ABL1: variants seen among roughly 807,000 people sequenced by gnomAD.
The protein encoded by ABL1 is ABL proto-oncogene 1, non-receptor tyrosine kinase.
ABL1 carries 11 observed loss-of-function variants against 94.7 expected under a neutral mutation model. That is an observed-to-expected ratio of 0.12 (90% CI 0.07 to 0.19). The LOEUF (loss-of-function observed/expected upper bound fraction) is 0.19, where lower values mean the gene tolerates loss of function less well. Among genes scored for constraint, ABL1 ranks in the 10% least tolerant of loss-of-function variants. ABL1 has a pLI of 1.00. For synonymous variants in ABL1, 656 were observed against 622.4 expected (o/e 1.05, Z -0.80); for missense variants, 1,082 against 1,489.4 (o/e 0.73, Z 4.50).
intron 1 of ABL1, among the ~76,000 whole-genome samples, chr9:130,802,145 T>C (rs1183447736): frequency 6.8e-6 from 1 of 146,524 alleles, no homozygotes; most frequent in Non-Finnish European, 1.5e-5. Context: ...GGCTGGATGG[T>C]ACAGCGGTGT....
chr9:130,762,306 T>A (rs528384465), intron 1 of ABL1, among the ~76,000 whole-genome samples: 2 of 152,284 alleles, frequency 1.3e-5, no homozygotes, highest in African/African-American at 4.8e-5. Context: ...CTGTTTTTGT[T>A]CATTTGCCTT....
chr9:130,719,935 A>G (rs1831494839), intron 1 of ABL1, among the ~76,000 whole-genome samples: 1 of 152,246 alleles, frequency 6.6e-6, no homozygotes, highest in African/African-American at 2.4e-5. Context: ...ACAAGGGAAA[A>G]GAGGAAACCA....
intron 3 of ABL1, among the ~76,000 whole-genome samples, chr9:130,861,040 T>TGA (rs1831063447): frequency 1.3e-5 from 2 of 152,152 alleles, no homozygotes; most frequent in South Asian, 4.1e-4. Context: ...GCGTGACTCA[T>TGA]GGTGTGTGTC....
At chr9:130,812,542 T>A (rs969370888) in intron 1 of ABL1, among the ~76,000 whole-genome samples, 5 of 151,356 alleles carry the variant, frequency 3.3e-5, no homozygotes, top group African/African-American at 1.2e-4. Flanking sequence ...AAAACCTTAG[T>A]GGCATATTAA....
intron 1 of ABL1, among the ~76,000 whole-genome samples, chr9:130,738,661 T>G (rs2132708219): frequency 6.6e-6 from 1 of 152,350 alleles, no homozygotes; most frequent in South Asian, 2.1e-4. Context: ...CTCGTGGAAC[T>G]TAACTCTTGT....
intron 3 of ABL1, among the ~76,000 whole-genome samples, chr9:130,855,732 T>C (rs1265695118): frequency 6.6e-6 from 1 of 152,170 alleles, no homozygotes; most frequent in Non-Finnish European, 1.5e-5. Flanking sequence ...GGAGTTAACA[T>C]TGACTGAGGT....
At chr9:130,846,109 GCT>G (rs1491240579) in intron 1 of ABL1, among the ~76,000 whole-genome samples, 7 of 143,768 alleles carry the variant, frequency 4.9e-5, no homozygotes, top group African/African-American at 9.9e-5. Flanking sequence ...GTGTGTGTGT[GCT>G]TGTGTGTGTG....
rs1302820032 is a variant in ABL1, at chr9:130,873,057, G to C, written c.1085+20G>C. ...CCACAGGTAGGGGCCTGGCCAGGCA[G>C]CCTGCGCCATGGAGTCACAGGGCGT... On this transcript the variant is annotated intron_variant, in intron 6 of 10. Transcript: ENST00000318560. 6.2e-7 allele frequency: 1 copy of C among 1,608,118 alleles called. No homozygotes were observed. Among genetic ancestry groups the C allele is most frequent in the Non-Finnish European group, 8.5e-7 (1 of 1,176,480 alleles).
intron 1 of ABL1, among the ~76,000 whole-genome samples, chr9:130,730,046 C>CTTTTTTCTTTTTTTTTTTTTT (rs1831642407): frequency 9.3e-6 from 1 of 107,168 alleles, no homozygotes; most frequent in African/African-American, 3.9e-5. Context: ...CCCAGCCAGA[C>CTTTTTTCTTTTTTTTTTTTTT]TTTTTTTTTT....
chr9:130,868,247 C>G lies in ABL1; in HGVS notation c.823-3882C>G, dbSNP rs187305945. On this transcript the variant is annotated intron_variant, in intron 4 of 10. Coordinates refer to ENST00000318560, the MANE Select transcript of ABL1 (RefSeq NM_005157.6). ...TGCTGGGATTACAGGCGTGAGCCAC[C>G]ACACCCAGCAGTCTCTTCAGTGTAT... Among the ~76,000 whole-genome samples, 659 of 152,224 alleles carry G rather than the reference C, an allele frequency of 4.3e-3. 3 individuals are homozygous for G. Among genetic ancestry groups the G allele is most frequent in the Non-Finnish European group, 7.6e-3 (519 of 68,006 alleles).
chr9:130,867,180 G>T (rs1398558830), intron 4 of ABL1, among the ~76,000 whole-genome samples: 2 of 152,108 alleles, frequency 1.3e-5, no homozygotes, highest in South Asian at 2.1e-4. Context: ...TTTTGAATAG[G>T]TTGTCCCACC....
intron 1 of ABL1, among the ~76,000 whole-genome samples, chr9:130,746,223 T>A (rs1033060998): frequency 9.9e-4 from 8 of 8,098 alleles, no homozygotes; most frequent in East Asian, 0.1. Flanking sequence ...ATTTAATGCG[T>A]TTTTTTTTTT....
chr9:130,830,250 G>A (rs1426982862), intron 1 of ABL1, among the ~76,000 whole-genome samples: 3 of 152,084 alleles, frequency 2.0e-5, no homozygotes, highest in South Asian at 2.1e-4. Flanking sequence ...TCTAGAAAGC[G>A]GATTTACTCT....
rs17147226 is a variant in ABL1 at position 130,770,699 on chromosome 9, C to T, written c.136+56244C>T. On this transcript the variant is annotated intron_variant, in intron 1 of 10. Transcript: ENST00000372348. ...TATTTAAAAGTGCTTAGAACAGTTA[C>T]AGCACATAGTAAATGCTATATATCT... Among the ~76,000 whole-genome samples the T allele has an allele frequency of 8.6e-3, 1,303 of 152,244 alleles. 17 individuals carry two copies. Among genetic ancestry groups the T allele is most frequent in the African/African-American group, 0.03 (1,237 of 41,528 alleles).
rs533345553 is a variant in ABL1 at position 130,819,631 on chromosome 9, C to G, written c.137-34433C>G. On this transcript the variant is annotated intron_variant, in intron 1 of 10. Coordinates refer to the ABL1 transcript ENST00000372348. ...TGAGCTCACTGCAACCTCCGCCTCCCAGGTTCAAGCAATTCTATTGCCTCA... is the reference window on the plus strand; with the variant it reads ...TGAGCTCACTGCAACCTCCGCCTCCGAGGTTCAAGCAATTCTATTGCCTCA... 2.6e-3 allele frequency among the ~76,000 whole-genome samples: 395 copies of G among 149,886 alleles called. 2 individuals are homozygous for G. Among genetic ancestry groups the G allele is most frequent in the African/African-American group, 9.3e-3 (375 of 40,536 alleles).
intron 1 of ABL1, among the ~76,000 whole-genome samples, chr9:130,767,764 C>T (rs1450873710): frequency 6.6e-6 from 1 of 152,228 alleles, no homozygotes; most frequent in Non-Finnish European, 1.5e-5. Context: ...CATGTGTGTG[C>T]ACACTCACAC....
chr9:130,786,060 G>A (rs982387717), intron 1 of ABL1, among the ~76,000 whole-genome samples: 2 of 152,258 alleles, frequency 1.3e-5, no homozygotes, highest in African/African-American at 4.8e-5. Context: ...TTTCCAAGAG[G>A]GGAGCATGCC....
At chr9:130,856,422 A>G (rs1588269736) in intron 3 of ABL1, among the ~76,000 whole-genome samples, 2 of 152,128 alleles carry the variant, frequency 1.3e-5, no homozygotes, top group African/African-American at 4.8e-5. Flanking sequence ...GGGTCTCGCC[A>G]TGTCGCCCAG....
intron 1 of ABL1, among the ~76,000 whole-genome samples, chr9:130,765,459 C>T (rs151081084): frequency 6.6e-6 from 1 of 152,278 alleles, no homozygotes; most frequent in African/African-American, 2.4e-5. Context: ...TAGTTTTTCT[C>T]CCAGAATCTT....
Sources: allele counts gnomAD v4.1 joint callset (sites outside exome capture counted in the v4.1 genomes callset), GRCh38; gene constraint gnomAD v4.1.1; transcripts MANE v1.5; gene names NCBI Gene and HGNC (gene_info 2026-07-23, HGNC 2026-07-21).